TMEM178B: variants seen among roughly 807,000 people sequenced by gnomAD.
TMEM178B encodes transmembrane protein 178B.
In TMEM178B, 5 loss-of-function variants were observed where a neutral mutation model predicts 31.0. The ratio of observed to expected loss-of-function variants is 0.16; its 90% CI spans 0.08 to 0.34. The LOEUF (loss-of-function observed/expected upper bound fraction) is 0.34. Among genes scored for constraint, TMEM178B ranks in the 10% least tolerant of loss-of-function variants. TMEM178B has a pLI of 1.00. For missense variants in TMEM178B, 275 were observed against 400.3 expected (o/e 0.69, Z 2.67); for synonymous variants, 164 against 164.0 (o/e 1.00, Z 0.00).
intron 1 of TMEM178B, among the ~76,000 whole-genome samples, chr7:141,150,507 TC>T (rs1388009555): frequency 3.3e-5 from 5 of 152,220 alleles, no homozygotes; most frequent in Non-Finnish European, 5.9e-5. Flanking sequence ...TCTTGGGACT[TC>T]CCTTGACCCA....
rs6971943 is a variant in TMEM178B at position 141,422,968 on chromosome 7, G to A, written c.497-14640G>A. Among the ~76,000 whole-genome samples the A allele has an allele frequency of 0.29, 44,040 of 151,964 alleles. 6,661 individuals are homozygous for A. The highest frequency in any genetic ancestry group is 0.45 in the South Asian group (2,161 of 4,804). ...GTCCCATGGAAATATCGTGCAAACCGCATGTGTAACTTAAAATGTTCTATT... is the reference window on the plus strand; with the variant it reads ...GTCCCATGGAAATATCGTGCAAACCACATGTGTAACTTAAAATGTTCTATT... On this transcript the variant is annotated intron_variant, in intron 2 of 3. Coordinates refer to ENST00000565468, the MANE Select transcript of TMEM178B (RefSeq NM_001195278.2). The surrounding 1 kb of genome is among the most constrained non-coding windows in gnomAD (Gnocchi z 4.2).
chr7:141,236,390 C>T (rs1797527726), intron 2 of TMEM178B, among the ~76,000 whole-genome samples: 3 of 152,232 alleles, frequency 2.0e-5, no homozygotes, highest in Admixed American at 6.5e-5. Flanking sequence ...GAATTCCCAA[C>T]AATCCTGAAC....
chr7:141,394,077 G>C (rs1800594240), intron 2 of TMEM178B, among the ~76,000 whole-genome samples: 1 of 151,060 alleles, frequency 6.6e-6, no homozygotes, highest in African/African-American at 2.4e-5. Context: ...AGGTCCTGAT[G>C]ACGTGCAGTT....
chr7:141,074,293 T>C lies in TMEM178B; in HGVS notation c.-18T>C. On this transcript the variant is annotated 5_prime_UTR_variant, in exon 1 of 4. The change abolishes the stop of an existing upstream ORF in the 5' untranslated region. Coordinates refer to ENST00000565468, the MANE Select transcript of TMEM178B (RefSeq NM_001195278.2). The surrounding 1 kb of genome is among the most constrained non-coding windows in gnomAD (Gnocchi z 5.1). Reference sequence around the variant, plus strand: ...GCTGCGGCGGATCATGCCCATGGTGTAGCCGCCAAGCGGAGGCATGGCTGC... The same window carrying C: ...GCTGCGGCGGATCATGCCCATGGTGCAGCCGCCAAGCGGAGGCATGGCTGC... 1 of 1,507,368 alleles carries C rather than the reference T, an allele frequency of 6.6e-7. No individual in the cohort carries two copies. The highest frequency in any genetic ancestry group is 1.4e-5 in the African/African-American group (1 of 72,442). The allele number at this position is 1,507,368 out of a possible 1,614,324, so 93.4% of individuals were successfully genotyped here.
intron 2 of TMEM178B, among the ~76,000 whole-genome samples, chr7:141,410,488 T>TCTCCTTCCTTCCTTCC (rs1249697286): frequency 7.0e-6 from 1 of 142,560 alleles, no homozygotes; most frequent in Non-Finnish European, 1.5e-5. Flanking sequence ...TTTTTCTTTC[T>TCTCCTTCCTTCCTTCC]CTCCTTCCTT....
intron 2 of TMEM178B, among the ~76,000 whole-genome samples, chr7:141,434,239 C>T (rs1053561213): frequency 2.0e-5 from 3 of 152,178 alleles, no homozygotes; most frequent in African/African-American, 7.2e-5. Flanking sequence ...CTCTTATTGA[C>T]CCATTGTCCA....
At chr7:141,238,465 G>A (rs900008387) in intron 2 of TMEM178B, among the ~76,000 whole-genome samples, 5 of 152,168 alleles carry the variant, frequency 3.3e-5, no homozygotes, top group African/African-American at 1.2e-4. Context: ...TTAACTGTGT[G>A]TAACCTACAA....
intron 1 of TMEM178B, among the ~76,000 whole-genome samples, chr7:141,150,476 A>G (rs1178872645): frequency 6.6e-6 from 1 of 152,218 alleles, no homozygotes; most frequent in Admixed American, 6.5e-5. Context: ...GTCCTCCCCA[A>G]CAAAGAAACA....
At chr7:141,272,574 A>C (rs1469503912) in intron 2 of TMEM178B, among the ~76,000 whole-genome samples, 2 of 152,228 alleles carry the variant, frequency 1.3e-5, no homozygotes, top group Admixed American at 1.3e-4. Context: ...CTGTTGGGTC[A>C]TTCCACCAGA....
chr7:141,464,244 A>G (rs1317809734), intron 3 of TMEM178B, among the ~76,000 whole-genome samples: 3 of 151,844 alleles, frequency 2.0e-5, no homozygotes, highest in Non-Finnish European at 2.9e-5. Flanking sequence ...TCAAGACTCT[A>G]CTCCTGTGGG....
At chr7:141,311,545 C>A (rs1798910613) in intron 2 of TMEM178B, among the ~76,000 whole-genome samples, 1 of 152,060 alleles carries the variant, frequency 6.6e-6, no homozygotes, top group South Asian at 2.1e-4. Flanking sequence ...TGTTTCTCAT[C>A]TTGTACTATG....
intron 2 of TMEM178B, among the ~76,000 whole-genome samples, chr7:141,325,051 C>T (rs6947753): frequency 0.14 from 21,587 of 152,006 alleles, 2,116 homozygotes; most frequent in African/African-American, 0.27. Context: ...AAAATCCTGC[C>T]TCCTACTCCC....
intron 2 of TMEM178B, among the ~76,000 whole-genome samples, chr7:141,241,153 TTA>T (rs1797611760): frequency 6.6e-6 from 1 of 151,952 alleles, no homozygotes; most frequent in African/African-American, 2.4e-5. Flanking sequence ...GTTTTTTTTT[TTA>T]ATCCCTAGCC....
At chr7:141,463,929 G>A (rs777996442) in intron 3 of TMEM178B, among the ~76,000 whole-genome samples, 120 of 152,174 alleles carry the variant, frequency 7.9e-4, no homozygotes, top group Admixed American at 2.3e-3. Context: ...CTATTGGAGC[G>A]TTTTAAGCAG....
chr7:141,463,964 T>C (rs905112837), intron 3 of TMEM178B, among the ~76,000 whole-genome samples: 6 of 152,190 alleles, frequency 3.9e-5, no homozygotes, highest in African/African-American at 1.4e-4. Flanking sequence ...CTGATTAATT[T>C]TTTTAAATAC....
chr7:141,097,491 C>CT (rs1794982341), intron 1 of TMEM178B, among the ~76,000 whole-genome samples: 1 of 150,484 alleles, frequency 6.6e-6, no homozygotes, highest in Admixed American at 6.6e-5. Context: ...AAATTCAGTA[C>CT]TTTTTTCCCT....
intron 1 of TMEM178B, among the ~76,000 whole-genome samples, chr7:141,202,343 G>A (rs1796891248): frequency 7.0e-6 from 1 of 143,480 alleles, no homozygotes; most frequent in South Asian, 2.6e-4. Context: ...GGCAAGGTAA[G>A]GGGGTCAGAA....
At chr7:141,493,814 T>C in the TMEM178B span, among the ~76,000 whole-genome samples, 1 of 150,970 alleles carries the variant, frequency 6.6e-6, no homozygotes. Context: ...TGATGGAATA[T>C]ACATTTTTCT....
intron 2 of TMEM178B, among the ~76,000 whole-genome samples, chr7:141,432,678 CTT>C (rs1424092883): frequency 6.6e-6 from 1 of 152,126 alleles, no homozygotes; most frequent in Non-Finnish European, 1.5e-5. Context: ...TCTTTCTTCT[CTT>C]GTCTCTCTGC....
Sources: allele counts gnomAD v4.1 joint callset (sites outside exome capture counted in the v4.1 genomes callset), GRCh38; gene constraint gnomAD v4.1.1; non-coding constraint Gnocchi (gnomAD v3.1); transcripts MANE v1.5; gene names NCBI Gene and HGNC (gene_info 2026-07-23, HGNC 2026-07-21).